The following MGAT2 variants were observed in gnomAD, a reference collection of about 807,000 sequenced individuals.
The protein encoded by MGAT2 is Beta-1,2-N-acetylglucosaminyltransferase II.
MGAT2 carries 17 observed loss-of-function variants against 33.8 expected under a neutral mutation model. The ratio of observed to expected loss-of-function variants is 0.50; its 90% CI spans 0.34 to 0.76. The LOEUF (loss-of-function observed/expected upper bound fraction) is 0.76. Among genes scored for constraint, MGAT2 ranks in the 30% least tolerant of loss-of-function variants. MGAT2 has a pLI of 0.01. For synonymous variants in MGAT2, 248 were observed against 226.7 expected (o/e 1.09, Z -0.84); for missense variants, 529 against 553.9 (o/e 0.96, Z 0.45).
Position 49,621,766 on chromosome 14 carries a change from G to T in MGAT2, c.498G>T (p.Gly166=). 6.2e-7 allele frequency: 1 copy of T among 1,614,106 alleles called. No individual in the cohort carries two copies. Among genetic ancestry groups the T allele is most frequent in the Non-Finnish European group, 8.5e-7 (1 of 1,180,014 alleles). ...WSTEINQLIA[G]VNFCPVLQVF... ...CCGAGATCAATCAGCTGATCGCCGG[G>T]GTGAATTTCTGTCCGGTTCTGCAGG... The change falls in exon 1 of 1, where the codon GGG becomes GGT. Residue 166 remains glycine (G), a synonymous_variant. Transcript: ENST00000305386. The surrounding 1 kb of genome is among the most constrained non-coding windows in gnomAD (Gnocchi z 4.6).
In MGAT2 at chr14:49,621,647, C is replaced by G. The variant is rs1882855884; in HGVS notation, c.379C>G (p.Arg127Gly). ...ELVLVVQVHNRPEYLRLLLDS... is the reference protein window; with the variant it reads ...ELVLVVQVHNGPEYLRLLLDS... ...GGTGCTGGTGGTCCAGGTGCATAACCGGCCCGAATACCTCAGACTGCTGCT... is the reference window on the plus strand; with the variant it reads ...GGTGCTGGTGGTCCAGGTGCATAACGGGCCCGAATACCTCAGACTGCTGCT... Residue 127 changes from arginine to glycine, a missense_variant, in exon 1 of 1, where the codon CGG becomes GGG. Arg to Gly is a moderately radical substitution (Grantham distance 125). Transcript: ENST00000305386. This position sits in a 1 kb window ranked among gnomAD's most constrained non-coding sequence, Gnocchi z 4.6. 2 of 1,614,070 alleles carry G rather than the reference C, an allele frequency of 1.2e-6. No homozygotes were observed. Among genetic ancestry groups the G allele is most frequent in the Non-Finnish European group, 1.7e-6 (2 of 1,180,036 alleles).
rs1882849924 is a variant in MGAT2, at chr14:49,621,514, C to T, written c.246C>T (p.Pro82=). 6.2e-7 allele frequency: 1 copy of T among 1,612,126 alleles called. No individual in the cohort carries two copies. Among genetic ancestry groups the T allele is most frequent in the Non-Finnish European group, 8.5e-7 (1 of 1,179,168 alleles). ...CCCTGGTCCCGGCGGTCCCCCAGCC[C>T]GAGGCGGACAACCTGACGCTGCGGT... ...AASLVPAVPQ[P]EADNLTLRYR... Residue 82 remains proline (P), a synonymous_variant, in exon 1 of 1, where the codon CCC becomes CCT. Transcript: ENST00000305386. The surrounding 1 kb of genome is among the most constrained non-coding windows in gnomAD (Gnocchi z 4.6).
rs1455410429 is a variant in MGAT2 at position 49,622,130 on chromosome 14, G to A, written c.862G>A (p.Val288Ile). Residue 288 changes from valine to isoleucine, a missense_variant, in exon 1 of 1, where the codon GTT becomes ATT. Around this residue, in one of 2 missense-constraint regions of MGAT2, gnomAD observed 501 missense variants for 501.1 expected, o/e 1.00. Coordinates refer to ENST00000305386, the MANE Select transcript of MGAT2 (RefSeq NM_002408.4). ...GCAGCAAGAGTGCCCTGAATGTGAT[G>A]TTCTCTCCCTGGGGACCTATAGTGC... ...LKQQECPECD[V>I]LSLGTYSASR... is the part of the protein sequence containing the mutation. The A allele has an allele frequency of 1.9e-6, 3 of 1,614,108 alleles. No individual in the cohort carries two copies. The highest frequency in any genetic ancestry group is 3.3e-5 in the Admixed American group (2 of 60,010).
chr14:49,621,059 A>C lies in MGAT2; in HGVS notation c.-210A>C. ...ATGCTCGAGCTGTAGCTGCCAGGCGAGGATGTGTGGAGCGCAGGCGGCGCG... is the reference window on the plus strand; with the variant it reads ...ATGCTCGAGCTGTAGCTGCCAGGCGCGGATGTGTGGAGCGCAGGCGGCGCG... On this transcript the variant is annotated 5_prime_UTR_variant, in exon 1 of 1. Transcript: ENST00000305386. This position sits in a 1 kb window ranked among gnomAD's most constrained non-coding sequence, Gnocchi z 4.6. 1 of 744,666 alleles carries C rather than the reference A, an allele frequency of 1.3e-6. No individual in the cohort carries two copies. The highest frequency in any genetic ancestry group is 2.4e-6 in the Non-Finnish European group (1 of 424,454). 46.1% of individuals were successfully genotyped at this position (744,666 alleles called of 1,614,324 possible).
rs969312089 is a variant in MGAT2 at position 49,622,680 on chromosome 14, TAA to T, written c.*71_*72del. On this transcript the variant is annotated 3_prime_UTR_variant, in exon 1 of 1. Coordinates refer to ENST00000305386, the MANE Select transcript of MGAT2 (RefSeq NM_002408.4). ...TGTCCAAACAGGACATACAATTGAA[TAA>T]AAGAGTTTAGGAACTGGTTTCTGCT... The T allele has an allele frequency of 5.3e-6, 8 of 1,499,664 alleles. No homozygotes were observed. The highest frequency in any genetic ancestry group is 4.7e-5 in the Admixed American group (2 of 42,142). The allele number at this position is 1,499,664 out of a possible 1,614,324, so 92.9% of individuals were successfully genotyped here.
In MGAT2 at chr14:49,621,439, C is replaced by T. The variant is rs749051100; in HGVS notation, c.171C>T (p.His57=). 1.4e-5 allele frequency: 22 copies of T among 1,607,624 alleles called. No individual in the cohort carries two copies. In the South Asian group the frequency reaches 2.4e-4, roughly 18 times the overall value. Residue 57 remains histidine, a synonymous_variant, in exon 1 of 1, where the codon CAC becomes CAT. Transcript: ENST00000305386. The surrounding 1 kb of genome is among the most constrained non-coding windows in gnomAD (Gnocchi z 4.6). ...GTGCCGGCGGCCGCGGTGGGGACCA[C>T]CCCTCTGTGGCTGTGGGCATCCGCA... The part of the protein sequence containing the change: ...ARGAGGRGGD[H]PSVAVGIRRV...
Position 49,620,864 on chromosome 14 carries a change from C to G in MGAT2, c.-405C>G. On this transcript the variant is annotated 5_prime_UTR_variant, in exon 1 of 1. Transcript: ENST00000305386. ...CGAGGCCGCGTCGCTCAGTTCTGGC[C>G]GTCTAGGGCCCCTGTAAGGATGAGA... The G allele has an allele frequency of 1.3e-5, 9 of 676,670 alleles. No homozygotes were observed. Among genetic ancestry groups the G allele is most frequent in the Middle Eastern group, 3.1e-4 (1 of 3,192 alleles). The allele number at this position is 676,670 out of a possible 1,614,324, so 41.9% of individuals were successfully genotyped here.
Position 49,621,995 on chromosome 14 carries a change from G to C in MGAT2, c.727G>C (p.Glu243Gln). ...GTGGTGGAAGCTGCATTTTGTGTGG[G>C]AAAGAGTGAAAATTCTTCGAGATTA... ...HWWWKLHFVW[E>Q]RVKILRDYAG... The change falls in exon 1 of 1, where the codon GAA becomes CAA. Residue 243 changes from glutamate (E) to glutamine (Q), a missense_variant. This residue lies in a region of MGAT2 where 501 missense variants were observed against 501.1 expected (regional missense o/e 1.00). Coordinates refer to ENST00000305386, the MANE Select transcript of MGAT2 (RefSeq NM_002408.4). The surrounding 1 kb of genome is among the most constrained non-coding windows in gnomAD (Gnocchi z 4.6). The C allele has an allele frequency of 6.2e-7, 1 of 1,614,184 alleles. No homozygotes were observed. Among genetic ancestry groups the C allele is most frequent in the Non-Finnish European group, 8.5e-7 (1 of 1,180,028 alleles).
At position 49,621,756 on chromosome 14, in the gene MGAT2, T is replaced by A. The variant is rs531491182; in HGVS notation, c.488T>A (p.Leu163Gln). ...TTCTGGTCGACCGAGATCAATCAGC[T>A]GATCGCCGGGGTGAATTTCTGTCCG... Reference protein sequence around the residue: ...HDFWSTEINQLIAGVNFCPVL... With the variant: ...HDFWSTEINQQIAGVNFCPVL... Residue 163 changes from leucine (L) to glutamine (Q), a missense_variant, in exon 1 of 1, where the codon CTG (leucine) becomes CAG (glutamine). Physicochemically the swap from Leu to Gln is moderately radical, Grantham distance 113. Transcript: ENST00000305386. This position sits in a 1 kb window ranked among gnomAD's most constrained non-coding sequence, Gnocchi z 4.6. 5.0e-6 allele frequency: 8 copies of A among 1,614,238 alleles called. No homozygotes were observed. The South Asian group carries it at 8.8e-5, about 18-fold the overall frequency.
rs751491195 is a variant in MGAT2, at chr14:49,621,072, C to T, written c.-197C>T. 85 of 780,772 alleles carry T rather than the reference C, an allele frequency of 1.1e-4. No homozygotes were observed. The highest frequency in any genetic ancestry group is 1.7e-4 in the Non-Finnish European group (76 of 458,514). 48.4% of individuals were successfully genotyped at this position (780,772 alleles called of 1,614,324 possible). On this transcript the variant is annotated 5_prime_UTR_variant, in exon 1 of 1. Transcript: ENST00000305386. This position sits in a 1 kb window ranked among gnomAD's most constrained non-coding sequence, Gnocchi z 4.6. ...AGCTGCCAGGCGAGGATGTGTGGAGCGCAGGCGGCGCGGGGTAAATGAGAG... is the reference window on the plus strand; with the variant it reads ...AGCTGCCAGGCGAGGATGTGTGGAGTGCAGGCGGCGCGGGGTAAATGAGAG...
Position 49,621,246 on chromosome 14 carries a change from C to T in MGAT2, c.-23C>T, listed in dbSNP as rs771465914. On this transcript the variant is annotated 5_prime_UTR_variant, in exon 1 of 1. Transcript: ENST00000305386. The surrounding 1 kb of genome is among the most constrained non-coding windows in gnomAD (Gnocchi z 4.6). ...GCTGCTCCTTTCCGCGCCCGCCCGC[C>T]TGCGCTCCCGGCCCTGGAGACCATG... The T allele has an allele frequency of 5.6e-6, 9 of 1,611,652 alleles. No individual in the cohort carries two copies. Among genetic ancestry groups the T allele is most frequent in the Non-Finnish European group, 7.6e-6 (9 of 1,179,768 alleles).
Position 49,621,114 on chromosome 14 carries a change from C to T in MGAT2, c.-155C>T. 2 of 1,110,542 alleles carry T rather than the reference C, an allele frequency of 1.8e-6. No homozygotes were observed. The highest frequency in any genetic ancestry group is 1.3e-5 in the South Asian group (1 of 74,640). The allele number at this position is 1,110,542 out of a possible 1,614,324, so 68.8% of individuals were successfully genotyped here. A position where few individuals can be genotyped will look rare whatever the true frequency, so the allele number is the denominator to read the frequency against. ...AAATGAGAGGTCTCGGGCCCCAGGA[C>T]CCCCGGGGCCCGGGATGAGTTAGCG... is the stretch of plus-strand genomic sequence containing the variant. On this transcript the variant is annotated 5_prime_UTR_variant, in exon 1 of 1. Coordinates refer to ENST00000305386, the MANE Select transcript of MGAT2 (RefSeq NM_002408.4). This position sits in a 1 kb window ranked among gnomAD's most constrained non-coding sequence, Gnocchi z 4.6.
rs562319818 is a variant in MGAT2, at chr14:49,621,086, G to A, written c.-183G>A. The A allele has an allele frequency of 2.4e-6, 2 of 848,676 alleles. No individual in the cohort carries two copies. The highest frequency in any genetic ancestry group is 2.8e-5 in the South Asian group (2 of 70,468). 52.6% of individuals were successfully genotyped at this position (848,676 alleles called of 1,614,324 possible). ...GATGTGTGGAGCGCAGGCGGCGCGG[G>A]GTAAATGAGAGGTCTCGGGCCCCAG... On this transcript the variant is annotated 5_prime_UTR_variant, in exon 1 of 1. Transcript: ENST00000305386. This position sits in a 1 kb window ranked among gnomAD's most constrained non-coding sequence, Gnocchi z 4.6.
In MGAT2 at chr14:49,621,291, G is replaced by A. The variant is rs1882838868; in HGVS notation, c.23G>A (p.Arg8Gln). ...ACCATGAGGTTCCGCATCTACAAAC[G>A]GAAGGTGCTAATCCTGACGCTCGTG... MRFRIYK[R>Q]KVLILTLVVA... is the part of the protein sequence containing the mutation. Residue 8 changes from arginine (R) to glutamine (Q), a missense_variant, in exon 1 of 1, where the codon CGG (arginine) becomes CAG (glutamine). This residue lies in a region of MGAT2 where 501 missense variants were observed against 501.1 expected (regional missense o/e 1.00). Transcript: ENST00000305386. The surrounding 1 kb of genome is among the most constrained non-coding windows in gnomAD (Gnocchi z 4.6). 6.2e-7 allele frequency: 1 copy of A among 1,612,506 alleles called. No individual in the cohort carries two copies. The highest frequency in any genetic ancestry group is 8.5e-7 in the Non-Finnish European group (1 of 1,179,824).
Position 49,620,989 on chromosome 14 carries a change from G to C in MGAT2, c.-280G>C. 1 of 702,828 alleles carries C rather than the reference G, an allele frequency of 1.4e-6. No individual in the cohort carries two copies. The highest frequency in any genetic ancestry group is 2.6e-6 in the Non-Finnish European group (1 of 385,376). The allele number at this position is 702,828 out of a possible 1,614,324, so 43.5% of individuals were successfully genotyped here. On this transcript the variant is annotated 5_prime_UTR_variant, in exon 1 of 1. Transcript: ENST00000305386. Reference sequence around the variant, plus strand: ...TCCGGGACCCGTGGTGCTGAATGGAGAGGACGGAGACGAAGCCGAGCCGCG... The same window carrying C: ...TCCGGGACCCGTGGTGCTGAATGGACAGGACGGAGACGAAGCCGAGCCGCG...
rs771993659 is a variant in MGAT2 at position 49,622,170 on chromosome 14, A to G, written c.902A>G (p.Tyr301Cys). 4.3e-6 allele frequency: 7 copies of G among 1,614,068 alleles called. No individual in the cohort carries two copies. Among genetic ancestry groups the G allele is most frequent in the Middle Eastern group, 1.6e-4 (1 of 6,084 alleles). ...ACCTATAGTGCCAGTCGCAGTTTCT[A>G]TGGCATGGCTGACAAGGTAGATGTG... ...LGTYSASRSF[Y>C]GMADKVDVKT... The change falls in exon 1 of 1, where the codon TAT becomes TGT. Residue 301 changes from tyrosine to cysteine, a missense_variant. By Grantham distance (194) the Tyr-to-Cys change is radical. Coordinates refer to ENST00000305386, the MANE Select transcript of MGAT2 (RefSeq NM_002408.4).
chr14:49,622,446 C>T lies in MGAT2; in HGVS notation c.1178C>T (p.Ala393Val). The change falls in exon 1 of 1, where the codon GCC becomes GTC. Residue 393 changes from alanine (A) to valine (V), a missense_variant. By Grantham distance (64) the Ala-to-Val change is moderately conservative. Around this residue, in one of 2 missense-constraint regions of MGAT2, gnomAD observed 501 missense variants for 501.1 expected, o/e 1.00. Coordinates refer to ENST00000305386, the MANE Select transcript of MGAT2 (RefSeq NM_002408.4). ...ACCTGTAGACCATCCACTCAGAGTG[C>T]CCAAATTGAGTCACTCTTAAATAAT... The part of the protein sequence containing the change: ...KKTCRPSTQS[A>V]QIESLLNNNK... 6.2e-7 allele frequency: 1 copy of T among 1,613,752 alleles called. No homozygotes were observed. Among genetic ancestry groups the T allele is most frequent in the South Asian group, 1.1e-5 (1 of 91,072 alleles).
chr14:49,621,926 G>GGC lies in MGAT2; in HGVS notation c.659_660dup (p.His221AlafsTer26), dbSNP rs746372702. The GGC allele has an allele frequency of 1.2e-6, 2 of 1,614,120 alleles. No individual in the cohort carries two copies. The highest frequency in any genetic ancestry group is 1.7e-6 in the Non-Finnish European group (2 of 1,180,040). ...CAATGCTGAGTATCCCGACTCCTTCGGCCATTATAGAGAGGCCAAATTCTC... is the reference window on the plus strand; with the variant it reads ...CAATGCTGAGTATCCCGACTCCTTCGGCGCCATTATAGAGAGGCCAAATTCTC... On this transcript the variant is annotated frameshift_variant, in exon 1 of 1. Coordinates refer to ENST00000305386, the MANE Select transcript of MGAT2 (RefSeq NM_002408.4). LOFTEE classifies it high-confidence loss of function. The surrounding 1 kb of genome is among the most constrained non-coding windows in gnomAD (Gnocchi z 4.6).
In MGAT2 at chr14:49,621,553, G is replaced by A; in HGVS notation, c.285G>A (p.Val95=). 6.2e-7 allele frequency: 1 copy of A among 1,613,738 alleles called. No individual in the cohort carries two copies. Among genetic ancestry groups the A allele is most frequent in the Non-Finnish European group, 8.5e-7 (1 of 1,179,940 alleles). ...TGACGCTGCGGTACCGGTCCCTGGTGTACCAGCTGAACTTTGATCAGACCC... is the reference window on the plus strand; with the variant it reads ...TGACGCTGCGGTACCGGTCCCTGGTATACCAGCTGAACTTTGATCAGACCC... ...DNLTLRYRSL[V]YQLNFDQTLR... Residue 95 remains valine (V), a synonymous_variant, in exon 1 of 1, where the codon GTG becomes GTA. Transcript: ENST00000305386. The surrounding 1 kb of genome is among the most constrained non-coding windows in gnomAD (Gnocchi z 4.6).
Sources: allele counts gnomAD v4.1 joint callset, GRCh38; gene constraint gnomAD v4.1.1; regional missense constraint gnomAD v4.1.1; non-coding constraint Gnocchi (gnomAD v3.1); transcripts MANE v1.5; gene names NCBI Gene and HGNC (gene_info 2026-07-23, HGNC 2026-07-21).